The following IRAG1 variants were observed in gnomAD, a reference collection of about 807,000 sequenced individuals.
IRAG1 encodes IP3R-associated cGMP kinase substrate.
IRAG1 carries 62 observed loss-of-function variants against 106.2 expected under a neutral mutation model. That is an observed-to-expected ratio of 0.58 (90% CI 0.48 to 0.72). The LOEUF (loss-of-function observed/expected upper bound fraction) is 0.72, where lower values mean the gene tolerates loss of function less well. Ranked by LOEUF, IRAG1 falls within the 30% of genes least tolerant of loss-of-function variation. IRAG1 has a pLI of 0.00. For synonymous variants in IRAG1, 462 were observed against 443.9 expected, an observed-to-expected ratio of 1.04 and a Z score of -0.51; for missense variants, 1,064 against 1,140.7, an observed-to-expected ratio of 0.93 and a Z score of 0.97.
At chr11:10,666,746 A>C (rs545353421) in intron 1 of IRAG1, among the ~76,000 whole-genome samples, 1 of 152,354 alleles carries the variant, frequency 6.6e-6, no homozygotes, top group African/African-American at 2.4e-5. Flanking sequence ...CTCTGAGGGC[A>C]GGTTAAGGCC....
intron 1 of IRAG1, among the ~76,000 whole-genome samples, chr11:10,661,090 T>TGG (rs57630401): frequency 2.2e-4 from 34 of 152,140 alleles, no homozygotes; most frequent in Admixed American, 9.8e-4. Flanking sequence ...CCTTTTACCA[T>TGG]GGGGGGGCCA....
chr11:10,629,958 A>C, intron 4 of IRAG1: 1 of 444,500 alleles, frequency 2.2e-6, no homozygotes, highest in Admixed American at 3.9e-5. Flanking sequence ...AGGTTCCCAG[A>C]ATTTTCCTAA....
chr11:10,585,062 T>C (rs1851809535), intron 18 of IRAG1, among the ~76,000 whole-genome samples: 1 of 152,208 alleles, frequency 6.6e-6, no homozygotes, highest in Non-Finnish European at 1.5e-5. Flanking sequence ...ATTTAAGGTA[T>C]GGTAAATTAA....
intron 1 of IRAG1, among the ~76,000 whole-genome samples, chr11:10,661,711 C>T (rs1417478709): frequency 6.6e-6 from 1 of 152,208 alleles, no homozygotes. Context: ...CACCGTCCTG[C>T]CTCCTTATAA....
intron 10 of IRAG1, among the ~76,000 whole-genome samples, chr11:10,622,251 C>A (rs145310898): frequency 6.6e-6 from 1 of 152,194 alleles, no homozygotes; most frequent in African/African-American, 2.4e-5. Context: ...GAACAGGTAC[C>A]ATATGACTCA....
chr11:10,618,952 G>T (rs1228030968), intron 10 of IRAG1, among the ~76,000 whole-genome samples: 1 of 152,182 alleles, frequency 6.6e-6, no homozygotes, highest in Non-Finnish European at 1.5e-5. Flanking sequence ...TGTGAGCTGG[G>T]TTGGGGGTTG....
intron 1 of IRAG1, among the ~76,000 whole-genome samples, chr11:10,680,495 AAGAG>A (rs1215454444): frequency 7.5e-6 from 1 of 133,332 alleles, no homozygotes; most frequent in African/African-American, 3.0e-5. Context: ...GGGAGGGAGA[AAGAG>A]AGAGAAAGGG....
intron 1 of IRAG1, among the ~76,000 whole-genome samples, chr11:10,662,563 C>A (rs1467229994): frequency 6.6e-6 from 1 of 152,230 alleles, no homozygotes; most frequent in Non-Finnish European, 1.5e-5. Flanking sequence ...CTAAGCCTAA[C>A]AGAAGACCAC....
intron 20 of IRAG1, among the ~76,000 whole-genome samples, chr11:10,577,633 C>T (rs1437285260): frequency 1.3e-5 from 2 of 152,212 alleles, no homozygotes; most frequent in Non-Finnish European, 2.9e-5. Context: ...CATACACACA[C>T]AGCAATGACC....
intron 11 of IRAG1, among the ~76,000 whole-genome samples, 186 bp from the exon 12 acceptor site, chr11:10,606,958 A>G (rs1854530125): frequency 6.6e-6 from 1 of 152,178 alleles, no homozygotes; most frequent in African/African-American, 2.4e-5. Flanking sequence ...TTACGGCACC[A>G]TGACTATCTC....
intron 1 of IRAG1, among the ~76,000 whole-genome samples, chr11:10,682,143 A>T (rs746842505): frequency 6.6e-6 from 1 of 152,246 alleles, no homozygotes; most frequent in Non-Finnish European, 1.5e-5. Flanking sequence ...TGCTGCAAAA[A>T]TATGAGATAA....
chr11:10,602,352 A>G (rs1854102761), intron 14 of IRAG1, among the ~76,000 whole-genome samples: 1 of 152,200 alleles, frequency 6.6e-6, no homozygotes, highest in African/African-American at 2.4e-5. Flanking sequence ...TACGGCAGCA[A>G]CCCTCTATGG....
chr11:10,606,417 A>AATT (rs1591596781), intron 12 of IRAG1, among the ~76,000 whole-genome samples: 1 of 152,208 alleles, frequency 6.6e-6, no homozygotes, highest in East Asian at 1.9e-4. Context: ...TTTTGAAATA[A>AATT]ATTTGATTCA....
chr11:10,680,404 G>GGAAGGAAGGAAAGGAAA (rs71034778), intron 1 of IRAG1, among the ~76,000 whole-genome samples: 2 of 82,090 alleles, frequency 2.4e-5, no homozygotes, highest in African/African-American at 1.2e-4. Context: ...AAGGAAGGAA[G>GGAAGGAAGGAAAGGAAA]GAAAGAAAGG....
At chr11:10,621,649 C>T (rs12576545) in intron 10 of IRAG1, among the ~76,000 whole-genome samples, 64,864 of 152,056 alleles carry the variant, frequency 0.43, 14,637 homozygotes, top group East Asian at 0.7. Flanking sequence ...AGGAGATCCT[C>T]GGGCCTCAGT....
intron 18 of IRAG1, among the ~76,000 whole-genome samples, chr11:10,584,325 T>C (rs1851700268): frequency 6.6e-6 from 1 of 152,030 alleles, no homozygotes; most frequent in South Asian, 2.1e-4. Flanking sequence ...CCTTTTAAAA[T>C]TTACATTTAG....
chr11:10,635,190 C>T (rs1040395233), intron 2 of IRAG1, among the ~76,000 whole-genome samples: 11 of 152,294 alleles, frequency 7.2e-5, no homozygotes, highest in Admixed American at 2.6e-4. Flanking sequence ...TTTCAGTGAT[C>T]GTAATTTGTT....
chr11:10,633,787 T>C (rs567279299), intron 3 of IRAG1, among the ~76,000 whole-genome samples, 181 bp downstream of exon 3: 63 of 152,312 alleles, frequency 4.1e-4, no homozygotes, highest in African/African-American at 1.5e-3. Context: ...AAAATCATTT[T>C]AGGAGGAAGA....
Position 10,592,566 on chromosome 11 carries a change from A to G in IRAG1, c.2175+926T>C, listed in dbSNP as rs1852799274. Among the ~76,000 whole-genome samples the G allele has an allele frequency of 2.0e-5, 3 of 152,224 alleles. No homozygotes were observed. In the South Asian group the frequency reaches 6.2e-4, roughly 31 times the overall value. On this transcript the variant is annotated intron_variant, in intron 17 of 20. Coordinates refer to ENST00000423302, the MANE Select transcript of IRAG1 (RefSeq NM_130385.4). ...TTACACAATCAGATTGTTTCCTTATAGGGTAGTGCTAGTCATAGGCAGGGG... is the reference window on the plus strand; with the variant it reads ...TTACACAATCAGATTGTTTCCTTATGGGGTAGTGCTAGTCATAGGCAGGGG...
Sources: allele counts gnomAD v4.1 joint callset (sites outside exome capture counted in the v4.1 genomes callset), GRCh38; gene constraint gnomAD v4.1.1; transcripts MANE v1.5; gene names NCBI Gene and HGNC (gene_info 2026-07-23, HGNC 2026-07-21).